Variants in KCNMA1 observed in about 807,000 individuals in gnomAD.
The protein encoded by KCNMA1 is potassium calcium-activated channel subfamily M alpha 1.
KCNMA1 carries 29 observed loss-of-function variants against 140.0 expected under a neutral mutation model. That is an observed-to-expected ratio of 0.21 (90% CI 0.15 to 0.28). The LOEUF (loss-of-function observed/expected upper bound fraction) is 0.28, where lower values mean the gene tolerates loss of function less well. Among genes scored for constraint, KCNMA1 ranks in the 10% least tolerant of loss-of-function variants. KCNMA1 has a pLI of 1.00. For missense variants in KCNMA1, 880 were observed against 1,602.2 expected (o/e 0.55, Z 7.70); for synonymous variants, 612 against 611.9 (o/e 1.00, Z 0.00).
intron 3 of KCNMA1, among the ~76,000 whole-genome samples, chr10:77,241,273 T>C (rs1366929240): frequency 6.6e-6 from 1 of 152,040 alleles, no homozygotes; most frequent in East Asian, 1.9e-4. Context: ...ACTGTACTTA[T>C]GGGACACAAA....
intron 1 of KCNMA1, among the ~76,000 whole-genome samples, chr10:77,563,786 A>G (rs1055122476): frequency 3.9e-5 from 6 of 152,174 alleles, no homozygotes; most frequent in South Asian, 2.1e-4. Context: ...AGTCCACAAA[A>G]TGGGACTCCA....
intron 24 of KCNMA1, chr10:76,910,812 T>C (rs953914585): frequency 1.3e-5 from 2 of 155,680 alleles, no homozygotes; most frequent in African/African-American, 2.4e-5. Flanking sequence ...CAATCTTTTA[T>C]ATGCTTGCAT....
chr10:76,922,779 T>G (rs1261698642), intron 23 of KCNMA1, among the ~76,000 whole-genome samples: 2 of 152,202 alleles, frequency 1.3e-5, no homozygotes, highest in African/African-American at 4.8e-5. Flanking sequence ...GTCTCTGTTT[T>G]TACTTAAGCC....
At chr10:77,615,532 G>C (rs1478496842) in intron 1 of KCNMA1, among the ~76,000 whole-genome samples, 1 of 152,136 alleles carries the variant, frequency 6.6e-6, no homozygotes, top group Non-Finnish European at 1.5e-5. Context: ...CCTCAGAATG[G>C]CCTCATCCAA....
At chr10:77,015,526 G>A (rs1160541029) in intron 17 of KCNMA1, among the ~76,000 whole-genome samples, 3 of 152,028 alleles carry the variant, frequency 2.0e-5, no homozygotes, top group Non-Finnish European at 4.4e-5. Flanking sequence ...ACAAGAAACA[G>A]CACCCACATT....
chr10:77,090,817 T>G, intron 9 of KCNMA1: 2 of 450,574 alleles, frequency 4.4e-6, no homozygotes, highest in South Asian at 4.8e-5. Flanking sequence ...ATTATGCTTG[T>G]GCTTAAATGC....
At chr10:77,314,669 G>T (rs1322034130) in intron 2 of KCNMA1, among the ~76,000 whole-genome samples, 1 of 152,022 alleles carries the variant, frequency 6.6e-6, no homozygotes, top group Non-Finnish European at 1.5e-5. Flanking sequence ...ATTTGAGTCT[G>T]GTCTGAAGCT....
chr10:77,289,866 T>C (rs572719465), intron 2 of KCNMA1, among the ~76,000 whole-genome samples: 2 of 152,262 alleles, frequency 1.3e-5, no homozygotes, highest in East Asian at 1.9e-4. Context: ...GCAAGTTCAA[T>C]TGATTGTTGA....
At chr10:77,023,295 G>A (rs2093063917) in intron 16 of KCNMA1, among the ~76,000 whole-genome samples, 1 of 152,134 alleles carries the variant, frequency 6.6e-6, no homozygotes, top group African/African-American at 2.4e-5. Context: ...CGTAATTCAA[G>A]TGAAACAGAT....
At chr10:77,119,575 G>A (rs898889104) in intron 6 of KCNMA1, among the ~76,000 whole-genome samples, 3 of 152,068 alleles carry the variant, frequency 2.0e-5, no homozygotes, top group Non-Finnish European at 4.4e-5. Flanking sequence ...TTCATTGATC[G>A]TTTACATTTC....
intron 2 of KCNMA1, among the ~76,000 whole-genome samples, chr10:77,311,172 C>G (rs2154343857): frequency 6.6e-6 from 1 of 152,304 alleles, no homozygotes; most frequent in South Asian, 2.1e-4. Context: ...AGAAGAATCA[C>G]CACAATGCAT....
At chr10:77,499,577 G>A (rs1420333545) in intron 1 of KCNMA1, among the ~76,000 whole-genome samples, 2 of 152,032 alleles carry the variant, frequency 1.3e-5, no homozygotes, top group African/African-American at 2.4e-5. Flanking sequence ...GATATCTGAT[G>A]TCTCCTCTGC....
intron 25 of KCNMA1, chr10:76,903,451 G>A (rs2046427329): frequency 6.6e-6 from 1 of 152,064 alleles, no homozygotes; most frequent in Admixed American, 6.6e-5. Context: ...TTTCGTGAGG[G>A]ATGAAAATGA....
intron 1 of KCNMA1, among the ~76,000 whole-genome samples, chr10:77,457,209 C>G (rs1277427920): frequency 2.6e-5 from 4 of 152,104 alleles, no homozygotes; most frequent in Non-Finnish European, 4.4e-5. Context: ...GTCTTTACCC[C>G]TCGTCTGTAG....
rs193274273 is a variant in KCNMA1 at position 77,446,329 on chromosome 10, G to A, written c.379-42306C>T. Among the ~76,000 whole-genome samples, 84 of 152,310 alleles carry A rather than the reference G, an allele frequency of 5.5e-4. 2 individuals carry two copies. The highest frequency in any genetic ancestry group is 1.9e-3 in the African/African-American group (80 of 41,568). On this transcript the variant is annotated intron_variant, in intron 1 of 27. Coordinates refer to ENST00000286628, the MANE Select transcript of KCNMA1 (RefSeq NM_001161352.2). ...AGACCAGCCTTTCACCATCTGAGGG[G>A]CTATTAGATGCCCAGCAAATATGGG...
intron 14 of KCNMA1, among the ~76,000 whole-genome samples, chr10:77,057,007 AT>A (rs561172098): frequency 1.7e-4 from 26 of 152,260 alleles, no homozygotes; most frequent in African/African-American, 6.3e-4. Flanking sequence ...GGAAAAAAAA[AT>A]TTTTTTGAGG....
At chr10:77,127,078 ACACACACACACACAC>A (rs1564696251) in intron 5 of KCNMA1, among the ~76,000 whole-genome samples, 1 of 2,798 alleles carries the variant, frequency 3.6e-4, no homozygotes, top group Non-Finnish European at 5.8e-4. Flanking sequence ...ACAAACACAC[ACACACACACACACAC>A]ACACACACAC....
At chr10:77,564,689 C>T (rs574672540) in intron 1 of KCNMA1, among the ~76,000 whole-genome samples, 7 of 152,264 alleles carry the variant, frequency 4.6e-5, no homozygotes, top group African/African-American at 1.2e-4. Flanking sequence ...TCTCAGCCTT[C>T]GCAGCTTCCT....
intron 1 of KCNMA1, among the ~76,000 whole-genome samples, chr10:77,510,295 T>A (rs1027375422): frequency 1.3e-5 from 2 of 151,916 alleles, no homozygotes; most frequent in African/African-American, 4.8e-5. Flanking sequence ...CAAATAAGGA[T>A]CCCTATTCAT....
Sources: allele counts gnomAD v4.1 joint callset (sites outside exome capture counted in the v4.1 genomes callset), GRCh38; gene constraint gnomAD v4.1.1; transcripts MANE v1.5; gene names NCBI Gene and HGNC (gene_info 2026-07-23, HGNC 2026-07-21).